Variants in ZNF827 observed in about 807,000 individuals in gnomAD.
ZNF827 encodes zinc finger protein 827.
A neutral mutation model predicts 102.4 loss-of-function variants in ZNF827; 13 were observed. That is an observed-to-expected ratio of 0.13 (90% CI 0.08 to 0.20). ZNF827 has a LOEUF of 0.20. Among genes scored for constraint, ZNF827 ranks in the 10% least tolerant of loss-of-function variants. The probability of loss-of-function intolerance (pLI) is 1.00; values close to 1 mark genes in which losing one functional copy is unlikely to be tolerated. For missense variants in ZNF827, 1,103 were observed against 1,344.4 expected, an observed-to-expected ratio of 0.82 and a Z score of 2.81; for synonymous variants, 523 against 536.2, an observed-to-expected ratio of 0.98 and a Z score of 0.34.
intron 4 of ZNF827, among the ~76,000 whole-genome samples, chr4:145,882,563 C>T (rs547561664): frequency 1.3e-5 from 2 of 152,318 alleles, no homozygotes; most frequent in East Asian, 3.9e-4. Flanking sequence ...ATTCTATCCA[C>T]TGACTTTTAA....
chr4:145,934,963 A>G (rs1754054504), intron 1 of ZNF827, among the ~76,000 whole-genome samples: 1 of 152,220 alleles, frequency 6.6e-6, no homozygotes, highest in African/African-American at 2.4e-5. Context: ...TTAAAACAAT[A>G]TATTAACAGT....
intron 1 of ZNF827, among the ~76,000 whole-genome samples, chr4:145,917,478 T>C (rs1752741180): frequency 1.3e-5 from 2 of 151,916 alleles, no homozygotes. Flanking sequence ...GATAATAATA[T>C]TAACCCAGCT....
chr4:145,838,412 C>T lies in ZNF827; in HGVS notation c.2279+7544G>A, dbSNP rs997040240. Among the ~76,000 whole-genome samples the T allele has an allele frequency of 2.2e-4, 33 of 152,186 alleles. 1 individual carries two copies. The highest frequency in any genetic ancestry group is 1.4e-3 in the Admixed American group (21 of 15,278). On this transcript the variant is annotated intron_variant, in intron 7 of 14. Coordinates refer to ENST00000508784, the MANE Select transcript of ZNF827 (RefSeq NM_001306215.2). ...CTTAACTCCCTTCGCTGACTCTTTT[C>T]GGACTCAGCCCACCTGCACCCAGGT...
At chr4:145,811,673 C>G (rs969162096) in intron 8 of ZNF827, among the ~76,000 whole-genome samples, 1 of 152,142 alleles carries the variant, frequency 6.6e-6, no homozygotes, top group South Asian at 2.1e-4. Context: ...CAGATATATC[C>G]TTTTCATGGG....
chr4:145,886,282 G>A lies in ZNF827; in HGVS notation c.1267-124C>T, dbSNP rs754298672. ...AAAGGGCTGGCCTTTGTACTGCAGA[G>A]CATTTCACTATGGGGCTCCAGGTAA... On this transcript the variant is annotated intron_variant, in intron 3 of 14. Transcript: ENST00000508784. The A allele has an allele frequency of 5.2e-5, 73 of 1,404,116 alleles. 1 individual carries two copies. In the Admixed American group the frequency reaches 1.3e-3, roughly 26 times the overall value. 87.0% of individuals were successfully genotyped at this position (1,404,116 alleles called of 1,614,324 possible).
At chr4:145,767,541 G>A (rs1336296007) in intron 11 of ZNF827, among the ~76,000 whole-genome samples, 1 of 152,012 alleles carries the variant, frequency 6.6e-6, no homozygotes, top group African/African-American at 2.4e-5. Flanking sequence ...TAAGAAACAC[G>A]AAGAAACCTA....
intron 1 of ZNF827, among the ~76,000 whole-genome samples, chr4:145,908,118 T>A (rs1752013336): frequency 6.6e-6 from 1 of 152,250 alleles, no homozygotes; most frequent in South Asian, 2.1e-4. Flanking sequence ...CCAATATACA[T>A]CTCAGAGCAT....
At chr4:145,882,410 A>C (rs988016011) in intron 4 of ZNF827, among the ~76,000 whole-genome samples, 2 of 152,164 alleles carry the variant, frequency 1.3e-5, no homozygotes, top group African/African-American at 2.4e-5. Flanking sequence ...ATTATTTTTG[A>C]AGGACCAAGC....
rs772061112 is a variant in ZNF827 at position 145,823,410 on chromosome 4, A to G, written c.2383+12T>C. The G allele has an allele frequency of 3.9e-5, 62 of 1,604,242 alleles. No homozygotes were observed. The Admixed American group carries it at 7.6e-4, about 20-fold the overall frequency. ...ATCAACAGTAGAAGCAAAGCCAACA[A>G]TGTTTCCATACCTGGAGCTGATATT... is the stretch of plus-strand genomic sequence containing the variant. On this transcript the variant is annotated intron_variant, in intron 8 of 14. Transcript: ENST00000508784.
intron 8 of ZNF827, among the ~76,000 whole-genome samples, chr4:145,797,455 T>A (rs1428921260): frequency 6.6e-6 from 1 of 152,234 alleles, no homozygotes; most frequent in African/African-American, 2.4e-5. Flanking sequence ...GCTGTTCACC[T>A]GGTCACTCAC....
chr4:145,829,930 C>A (rs1264293449), intron 7 of ZNF827, among the ~76,000 whole-genome samples: 3 of 152,128 alleles, frequency 2.0e-5, no homozygotes, highest in African/African-American at 4.8e-5. Context: ...CTTGAGAAAC[C>A]CTCCAGGAGT....
intron 5 of ZNF827, among the ~76,000 whole-genome samples, chr4:145,863,094 T>C (rs1468104322): frequency 1.3e-5 from 2 of 152,172 alleles, no homozygotes; most frequent in Non-Finnish European, 1.5e-5. Flanking sequence ...ATAACTTGAA[T>C]AGACACTTCT....
At chr4:145,897,530 G>A (rs1751074864) in intron 2 of ZNF827, among the ~76,000 whole-genome samples, 2 of 152,230 alleles carry the variant, frequency 1.3e-5, no homozygotes, top group South Asian at 4.1e-4. Context: ...GTAGGATGAC[G>A]ACCTATCTTC....
chr4:145,933,794 AAAAAAAC>A (rs1326963340), intron 1 of ZNF827, among the ~76,000 whole-genome samples: 8 of 151,582 alleles, frequency 5.3e-5, no homozygotes, highest in African/African-American at 7.3e-5. Context: ...GGTGAAAAAA[AAAAAAAC>A]AAAAAAACAA....
At chr4:145,893,911 G>C (rs1457833988) in intron 2 of ZNF827, among the ~76,000 whole-genome samples, 2 of 151,408 alleles carry the variant, frequency 1.3e-5, no homozygotes, top group Non-Finnish European at 2.9e-5. Flanking sequence ...AAGAGAAGGG[G>C]TTATGGAAAA....
rs557176120 is a variant in ZNF827, at chr4:145,836,282, G to A, written c.2279+9674C>T. ...ACAAAACAACTCCTTTCCTTCCTAGGCATGGTTAGCGCGGTCAGAATTCTT... is the reference window on the plus strand; with the variant it reads ...ACAAAACAACTCCTTTCCTTCCTAGACATGGTTAGCGCGGTCAGAATTCTT... On this transcript the variant is annotated intron_variant, in intron 7 of 14. Coordinates refer to ENST00000508784, the MANE Select transcript of ZNF827 (RefSeq NM_001306215.2). Among the ~76,000 whole-genome samples the A allele has an allele frequency of 2.9e-3, 432 of 151,466 alleles. 1 individual carries two copies. The highest frequency in any genetic ancestry group is 9.8e-3 in the African/African-American group (402 of 41,218).
chr4:145,780,867 T>C (rs1384505011), intron 8 of ZNF827, among the ~76,000 whole-genome samples: 1 of 152,200 alleles, frequency 6.6e-6, no homozygotes, highest in Non-Finnish European at 1.5e-5. Context: ...TGGTGATAAT[T>C]GAATGGTGGT....
chr4:145,765,907 C>T lies in ZNF827; in HGVS notation c.2861-169G>A, dbSNP rs528634505. On this transcript the variant is annotated intron_variant, in intron 11 of 14. Coordinates refer to ENST00000508784, the MANE Select transcript of ZNF827 (RefSeq NM_001306215.2). This position sits in a 1 kb window ranked among gnomAD's most constrained non-coding sequence, Gnocchi z 4.7. ...GGATCCCAGGTCCTAAGGCACCTAC[C>T]TCCTTTGTGGTACTGGGGGCCAAGA... 7.9e-5 allele frequency among the ~76,000 whole-genome samples: 12 copies of T among 152,258 alleles called. No individual in the cohort carries two copies. The highest frequency in any genetic ancestry group is 6.5e-4 in the Admixed American group (10 of 15,290).
intron 7 of ZNF827, among the ~76,000 whole-genome samples, chr4:145,841,556 A>C (rs1745420296): frequency 6.6e-6 from 1 of 152,164 alleles, no homozygotes; most frequent in African/African-American, 2.4e-5. Context: ...TGTCAGATAG[A>C]GTGGCATTAA....
Sources: gnomAD v4.1 joint callset for allele counts (sites outside exome capture counted in the v4.1 genomes callset) on GRCh38, gnomAD v4.1.1 for gene constraint, Gnocchi (gnomAD v3.1) non-coding constraint, MANE v1.5 for transcripts, NCBI Gene and HGNC (gene_info 2026-07-23, HGNC 2026-07-21) for gene names.